DAB1: variants seen among roughly 807,000 people sequenced by gnomAD.
DAB1 encodes disabled homolog 1.
A neutral mutation model predicts 64.6 loss-of-function variants in DAB1; 15 were observed. The observed-to-expected ratio is 0.23, with a 90% CI of 0.16 to 0.36. The LOEUF (loss-of-function observed/expected upper bound fraction) is 0.36, where lower values mean the gene tolerates loss of function less well. Ranked by LOEUF, DAB1 falls within the 10% of genes least tolerant of loss-of-function variation. DAB1 has a pLI of 1.00. For missense variants in DAB1, 596 were observed against 706.7 expected, an observed-to-expected ratio of 0.84 and a Z score of 1.78; for synonymous variants, 235 against 251.9, an observed-to-expected ratio of 0.93 and a Z score of 0.64.
At chr1:58,031,738 G>C (rs1238809955) in intron 5 of DAB1, among the ~76,000 whole-genome samples, 1 of 152,136 alleles carries the variant, frequency 6.6e-6, no homozygotes, top group Non-Finnish European at 1.5e-5. Flanking sequence ...CAAAGGGAAA[G>C]GTTTGCTTTG....
intron 4 of DAB1, among the ~76,000 whole-genome samples, chr1:58,202,919 C>T (rs1389881182): frequency 6.6e-6 from 1 of 152,166 alleles, no homozygotes; most frequent in Non-Finnish European, 1.5e-5. Flanking sequence ...AAACCAATTG[C>T]TTAGTGCCAC....
At chr1:58,176,708 G>A (rs190411002) in intron 4 of DAB1, among the ~76,000 whole-genome samples, 20 of 152,212 alleles carry the variant, frequency 1.3e-4, no homozygotes, top group Non-Finnish European at 2.5e-4. Flanking sequence ...AGCCGGGCGC[G>A]GTGGCTCACA....
chr1:58,165,095 C>T (rs1235541016), intron 4 of DAB1, among the ~76,000 whole-genome samples: 1 of 152,104 alleles, frequency 6.6e-6, no homozygotes, highest in East Asian at 1.9e-4. Flanking sequence ...TTGAAAGGGG[C>T]CCGGACCCCC....
intron 2 of DAB1, among the ~76,000 whole-genome samples, chr1:57,241,735 C>T (rs1668509384): frequency 6.6e-6 from 1 of 152,172 alleles, no homozygotes; most frequent in Non-Finnish European, 1.5e-5. Flanking sequence ...GAATAAGGAC[C>T]TCACTTCCCT....
chr1:58,212,101 C>T (rs1053548362), intron 4 of DAB1, among the ~76,000 whole-genome samples: 1 of 152,174 alleles, frequency 6.6e-6, no homozygotes, highest in Non-Finnish European at 1.5e-5. Flanking sequence ...TTGTTACCTC[C>T]ATTGGTGTTT....
At chr1:58,438,099 G>A (rs779826264) in intron 3 of DAB1, among the ~76,000 whole-genome samples, 1 of 152,094 alleles carries the variant, frequency 6.6e-6, no homozygotes, top group Admixed American at 6.5e-5. Flanking sequence ...CTGAGGCCCC[G>A]GTGGCTGCAA....
chr1:57,019,189 C>T (rs1486320831), intron 11 of DAB1, among the ~76,000 whole-genome samples: 2 of 152,188 alleles, frequency 1.3e-5, no homozygotes, highest in South Asian at 4.1e-4. Context: ...TTCCACCCTG[C>T]CTAGCATGGT....
intron 1 of DAB1, among the ~76,000 whole-genome samples, chr1:57,314,370 T>C (rs767043682): frequency 3.3e-5 from 5 of 152,236 alleles, no homozygotes; most frequent in Admixed American, 6.5e-5. Flanking sequence ...AAGCTGGAGC[T>C]GTGGCCAGAG....
At chr1:57,346,914 C>T (rs1277325458) in intron 1 of DAB1, among the ~76,000 whole-genome samples, 2 of 152,166 alleles carry the variant, frequency 1.3e-5, no homozygotes, top group East Asian at 3.9e-4. Context: ...TATGGTATGC[C>T]AGGCAGTGTT....
At chr1:58,181,245 T>C (rs1453958640) in intron 4 of DAB1, among the ~76,000 whole-genome samples, 3 of 152,184 alleles carry the variant, frequency 2.0e-5, no homozygotes, top group Non-Finnish European at 4.4e-5. Flanking sequence ...AGTCTATTTC[T>C]TTGATATTAG....
At chr1:57,048,446 G>A (rs1000306932) in intron 9 of DAB1, among the ~76,000 whole-genome samples, 11 of 152,284 alleles carry the variant, frequency 7.2e-5, no homozygotes, top group African/African-American at 2.6e-4. Context: ...TGTTCTTTCT[G>A]TAGTTTTACA....
At chr1:57,703,516 A>T (rs1402947714) in intron 6 of DAB1, among the ~76,000 whole-genome samples, 1 of 152,174 alleles carries the variant, frequency 6.6e-6, no homozygotes, top group Non-Finnish European at 1.5e-5. Flanking sequence ...AATGGCTATT[A>T]TTAAAAAATA....
intron 5 of DAB1, chr1:58,048,845 A>T: frequency 9.9e-7 from 1 of 1,014,610 alleles, no homozygotes; most frequent in Non-Finnish European, 1.5e-6. Flanking sequence ...AAGGTTACAA[A>T]GGCAAAGCCC....
chr1:57,615,624 T>C (rs142895252), intron 7 of DAB1, among the ~76,000 whole-genome samples: 1 of 152,240 alleles, frequency 6.6e-6, no homozygotes, highest in Non-Finnish European at 1.5e-5. Context: ...AGCTAGGTGC[T>C]GTCATTTGTA....
At chr1:58,211,256 G>C (rs1658537074) in intron 4 of DAB1, among the ~76,000 whole-genome samples, 1 of 152,136 alleles carries the variant, frequency 6.6e-6, no homozygotes, top group African/African-American at 2.4e-5. Context: ...GTAACTCATA[G>C]AATCTCCCTT....
chr1:57,167,812 A>C (rs1274370794), intron 2 of DAB1, among the ~76,000 whole-genome samples: 1 of 152,134 alleles, frequency 6.6e-6, no homozygotes. Flanking sequence ...TAGCCACAGC[A>C]CTCAGCATAT....
intron 1 of DAB1, among the ~76,000 whole-genome samples, chr1:57,400,405 T>C (rs1471865673): frequency 6.6e-6 from 1 of 152,112 alleles, no homozygotes; most frequent in Non-Finnish European, 1.5e-5. Context: ...AGTGGCTGAA[T>C]GAACAAAGTT....
chr1:57,771,355 A>AATAAATATAAAT (rs76757381), intron 6 of DAB1, among the ~76,000 whole-genome samples: 1 of 152,146 alleles, frequency 6.6e-6, no homozygotes, highest in African/African-American at 2.4e-5. Context: ...GCAACCATGA[A>AATAAATATAAAT]ATAAATATAA....
intron 1 of DAB1, among the ~76,000 whole-genome samples, chr1:57,868,580 C>T (rs1654403611): frequency 1.3e-5 from 2 of 152,066 alleles, no homozygotes; most frequent in Non-Finnish European, 2.9e-5. Context: ...TTTTACAGCC[C>T]AAACAAATCT....
Sources: allele counts gnomAD v4.1 joint callset (sites outside exome capture counted in the v4.1 genomes callset), GRCh38; gene constraint gnomAD v4.1.1; transcripts MANE v1.5; gene names NCBI Gene and HGNC (gene_info 2026-07-23, HGNC 2026-07-21).